Variants in UPF2 observed in about 807,000 individuals in gnomAD.
The protein encoded by UPF2 is regulator of nonsense transcripts 2.
UPF2 carries 17 observed loss-of-function variants against 141.4 expected under a neutral mutation model. The ratio of observed to expected loss-of-function variants is 0.12; its 90% CI spans 0.08 to 0.18. UPF2 has a LOEUF of 0.18. Ranked by LOEUF, UPF2 falls within the 10% of genes least tolerant of loss-of-function variation. The pLI is 1.00. For missense variants in UPF2, 1,152 were observed against 1,515.9 expected (o/e 0.76, Z 3.99); for synonymous variants, 540 against 498.0 (o/e 1.08, Z -1.12).
In UPF2 at chr10:11,980,944, T is replaced by C. The variant is rs183996307; in HGVS notation, c.1845-1779A>G. On this transcript the variant is annotated intron_variant, in intron 8 of 21. Coordinates refer to ENST00000357604, the MANE Select transcript of UPF2 (RefSeq NM_015542.4). The surrounding 1 kb of genome is among the most constrained non-coding windows in gnomAD (Gnocchi z 4.2). The stretch of plus-strand genomic sequence containing the variant: ...CATGGTGGTCAATAATCCCAGCACT[T>C]TGGCAGGCTGAGACAGGTGGATCAC... 4.4e-3 allele frequency among the ~76,000 whole-genome samples: 671 copies of C among 152,078 alleles called. 5 individuals carry two copies. Among genetic ancestry groups the C allele is most frequent in the African/African-American group, 0.016 (650 of 41,472 alleles).
At chr10:12,000,832 G>C (rs1452711573) in intron 6 of UPF2, among the ~76,000 whole-genome samples, 1 of 151,862 alleles carries the variant, frequency 6.6e-6, no homozygotes. Context: ...AGGAATCCTA[G>C]CTAATCAACT....
chr10:12,000,051 G>A (rs1475464792), intron 6 of UPF2, 42 bp from the exon 7 acceptor site: 4 of 1,466,398 alleles, frequency 2.7e-6, no homozygotes, highest in Non-Finnish European at 2.8e-6. Flanking sequence ...AAAAAAAAGA[G>A]AACACAGAAT....
chr10:11,983,708 T>G (rs189653298), intron 8 of UPF2, among the ~76,000 whole-genome samples: 1 of 151,994 alleles, frequency 6.6e-6, no homozygotes, highest in African/African-American at 2.4e-5. Context: ...GTATTAAATA[T>G]GATTTGCTAG....
chr10:11,975,469 A>G lies in UPF2; in HGVS notation c.1953+3588T>C, dbSNP rs954110560. On this transcript the variant is annotated intron_variant, in intron 9 of 21. Transcript: ENST00000357604. ...CCGTTTATTATATGTAAGATTTTAT[A>G]TCTCGCTTTTGAAAAAAGCACTTTC... 1.2e-4 allele frequency among the ~76,000 whole-genome samples: 18 copies of G among 152,178 alleles called. 2 individuals are homozygous for G. The highest frequency in any genetic ancestry group is 4.1e-4 in the African/African-American group (17 of 41,450).
intron 21 of UPF2, among the ~76,000 whole-genome samples, chr10:11,926,431 G>A (rs1236971980): frequency 1.3e-5 from 2 of 152,206 alleles, no homozygotes; most frequent in African/African-American, 4.8e-5. Flanking sequence ...TGCAGAAGGA[G>A]AAGAGGGCCC....
intron 8 of UPF2, among the ~76,000 whole-genome samples, chr10:11,994,526 T>C (rs529951624): frequency 6.6e-6 from 1 of 152,352 alleles, no homozygotes; most frequent in East Asian, 1.9e-4. Context: ...ATACTTTTCA[T>C]CATATAATGT....
rs1454968667 is a variant in UPF2, at chr10:12,019,193, A to G, written c.1146-5009T>C. ...TTTTCTGTAAAGGGCCATACAATACATATTTCAGTCTCTGCAGACCATTTG... is the reference window on the plus strand; with the variant it reads ...TTTTCTGTAAAGGGCCATACAATACGTATTTCAGTCTCTGCAGACCATTTG... On this transcript the variant is annotated intron_variant, in intron 3 of 21. Transcript: ENST00000357604. The surrounding 1 kb of genome is among the most constrained non-coding windows in gnomAD (Gnocchi z 4.5). Among the ~76,000 whole-genome samples the G allele has an allele frequency of 6.6e-6, 1 of 152,252 alleles. No individual in the cohort carries two copies. The highest frequency in any genetic ancestry group is 1.5e-5 in the Non-Finnish European group (1 of 68,050).
chr10:11,941,330 G>A (rs927666771), intron 18 of UPF2, among the ~76,000 whole-genome samples: 2 of 152,082 alleles, frequency 1.3e-5, no homozygotes, highest in Non-Finnish European at 2.9e-5. Context: ...GATTGCTTGC[G>A]CTCCTAAATA....
intron 9 of UPF2, among the ~76,000 whole-genome samples, chr10:11,976,291 G>A (rs567962242): frequency 1.6e-3 from 244 of 152,238 alleles, no homozygotes; most frequent in African/African-American, 5.6e-3. Context: ...GGAAAAGCTC[G>A]TTAAAAATCT....
At chr10:11,966,434 T>G (rs201060930) in intron 10 of UPF2, among the ~76,000 whole-genome samples, 2 of 74,674 alleles carry the variant, frequency 2.7e-5, no homozygotes, top group African/African-American at 5.8e-5. Context: ...TCTTTTTTTC[T>G]TTTTTTTGAG....
chr10:12,009,048 T>A (rs1467943200), intron 4 of UPF2, among the ~76,000 whole-genome samples: 1 of 152,172 alleles, frequency 6.6e-6, no homozygotes, highest in African/African-American at 2.4e-5. Flanking sequence ...TGCATAGTAT[T>A]CCATGGTGTA....
chr10:11,986,236 T>TA (rs1376673380), intron 8 of UPF2, among the ~76,000 whole-genome samples: 1 of 152,132 alleles, frequency 6.6e-6, no homozygotes, highest in Non-Finnish European at 1.5e-5. Flanking sequence ...TGGCGAAAAT[T>TA]ACGTTTACCA....
At chr10:12,032,359 T>A (rs1036313802) in intron 2 of UPF2, among the ~76,000 whole-genome samples, 2 of 151,974 alleles carry the variant, frequency 1.3e-5, no homozygotes, top group African/African-American at 4.8e-5. Context: ...AACTCAATTT[T>A]CAGCTGCATT....
chr10:12,013,760 A>C (rs1834171306), intron 4 of UPF2, among the ~76,000 whole-genome samples: 1 of 152,092 alleles, frequency 6.6e-6, no homozygotes, highest in South Asian at 2.1e-4. Flanking sequence ...CCATTTCTTT[A>C]TTTAAGAAAA....
In UPF2 at chr10:12,013,962, C is replaced by A. The variant is rs1834175105; in HGVS notation, c.1306+62G>T. 7 of 1,390,824 alleles carry A rather than the reference C, an allele frequency of 5.0e-6. No homozygotes were observed. The Admixed American group carries it at 1.3e-4, about 26-fold the overall frequency. 86.2% of individuals were successfully genotyped at this position (1,390,824 alleles called of 1,614,324 possible). On this transcript the variant is annotated intron_variant, in intron 4 of 21. Transcript: ENST00000357604. The stretch of plus-strand genomic sequence containing the variant: ...TTCTCAATACTGCACATCTGATAAG[C>A]CTAAAGGTAAGTGACAGTGCTTACA...
intron 16 of UPF2, among the ~76,000 whole-genome samples, chr10:11,946,357 A>T (rs1203609257): frequency 1.3e-5 from 2 of 152,208 alleles, no homozygotes; most frequent in African/African-American, 2.4e-5. Context: ...TTTAATTCTA[A>T]ATAAAGCTTT....
intron 5 of UPF2, 75 bp downstream of exon 5, chr10:12,004,454 AT>A (rs930779937): frequency 3.0e-3 from 3,110 of 1,038,756 alleles, no homozygotes; most frequent in Non-Finnish European, 3.4e-3. Flanking sequence ...CAATATATAT[AT>A]TTTTTTTTTA....
chr10:11,991,998 T>C (rs1052889612), intron 8 of UPF2, among the ~76,000 whole-genome samples: 1 of 139,684 alleles, frequency 7.2e-6, no homozygotes, highest in Non-Finnish European at 1.7e-5. Flanking sequence ...ATACAAAAAT[T>C]AGCTGGGCGT....
chr10:11,968,875 T>G (rs1319434701), intron 9 of UPF2, among the ~76,000 whole-genome samples: 1 of 152,232 alleles, frequency 6.6e-6, no homozygotes, highest in Non-Finnish European at 1.5e-5. Flanking sequence ...TCTTTTCTTG[T>G]TTTCTGAGAC....
Sources: allele counts gnomAD v4.1 joint callset (sites outside exome capture counted in the v4.1 genomes callset), GRCh38; gene constraint gnomAD v4.1.1; non-coding constraint Gnocchi (gnomAD v3.1); transcripts MANE v1.5; gene names NCBI Gene and HGNC (gene_info 2026-07-23, HGNC 2026-07-21).